MYH7: variants seen among roughly 807,000 people sequenced by gnomAD.
MYH7 encodes the protein myosin heavy chain 7.
In MYH7, 129 loss-of-function variants were observed where a neutral mutation model predicts 225.4. That is an observed-to-expected ratio of 0.57 (90% CI 0.50 to 0.66). The LOEUF is 0.66. Among genes scored for constraint, MYH7 ranks in the 30% least tolerant of loss-of-function variants. The pLI is 0.00. For missense variants in MYH7, 1,649 were observed against 2,517.0 expected (o/e 0.66, Z 7.38); for synonymous variants, 971 against 1,007.6 (o/e 0.96, Z 0.69).
chr14:23,422,390 A>G lies in MYH7; in HGVS notation c.3100-65T>C, dbSNP rs565099030. On this transcript the variant is annotated intron_variant, in intron 24 of 39. Coordinates refer to ENST00000355349, the MANE Select transcript of MYH7 (RefSeq NM_000257.4). ...TCCTGACTTGGTGATTTTGTTGTTC[A>G]GTTACCTCAGGACTTGGTAAATCTT... The G allele has an allele frequency of 8.1e-6, 13 of 1,609,992 alleles. No homozygotes were observed. In the South Asian group the frequency reaches 9.9e-5, roughly 12 times the overall value.
At chr14:23,416,726 C>G (rs1892227519) in intron 33 of MYH7, 142 bp downstream of exon 33, 1 of 1,325,930 alleles carries the variant, frequency 7.5e-7, no homozygotes, top group South Asian at 1.2e-5. Flanking sequence ...CAAATCTTCA[C>G]TGAATGCCTA....
chr14:23,429,456 A>T (rs912287405), intron 12 of MYH7, 109 bp from the exon 13 acceptor site: 295 of 1,133,814 alleles, frequency 2.6e-4, no homozygotes, highest in Non-Finnish European at 3.6e-4. Context: ...CAGGCGGATC[A>T]CTTGAGGTCA....
chr14:23,419,885 TC>T lies in MYH7; in HGVS notation c.3685del (p.Asp1229MetfsTer28). On this transcript the variant is annotated frameshift_variant, in exon 27 of 40. Coordinates refer to ENST00000355349, the MANE Select transcript of MYH7 (RefSeq NM_000257.4). LOFTEE classifies it high-confidence loss of function. ...KEKSEFKLEL[D>X]DVTSNMEQII... is the part of the protein sequence containing the mutation. ...CTGCTCCATGTTGGAGGTGACGTCA[TC>T]CAGCTCCAGCTTGAACTCGCTCTTC... is the stretch of plus-strand genomic sequence containing the variant. 6.2e-7 allele frequency: 1 copy of T among 1,613,620 alleles called. No individual in the cohort carries two copies. Among genetic ancestry groups the T allele is most frequent in the Non-Finnish European group, 8.5e-7 (1 of 1,179,788 alleles).
At chr14:23,416,389 T>G in intron 33 of MYH7, 77 bp from the exon 34 acceptor site, 1 of 1,488,978 alleles carries the variant, frequency 6.7e-7, no homozygotes, top group Non-Finnish European at 9.2e-7. Flanking sequence ...TCACTAATCA[T>G]GGATACGAAG....
At chr14:23,417,907 GAC>G in intron 30 of MYH7, 1 of 875,338 alleles carries the variant, frequency 1.1e-6, no homozygotes, top group South Asian at 1.3e-5. Context: ...CTGCGCTATG[GAC>G]ATTGAGGAGG....
At position 23,424,158 on chromosome 14, in the gene MYH7, G is replaced by A. The variant is rs1432154372; in HGVS notation, c.2680-9C>T. On this transcript the variant is annotated splice_polypyrimidine_tract_variant and intron_variant, in intron 22 of 39. Coordinates refer to ENST00000355349, the MANE Select transcript of MYH7 (RefSeq NM_000257.4). ...GCCAGGTTGTCTTGTTCCTGAAGGT[G>A]AGGAACAGAGGGGAGGCTGTTCAGG... is the stretch of plus-strand genomic sequence containing the variant. 6.2e-7 allele frequency: 1 copy of A among 1,614,104 alleles called. No homozygotes were observed. The highest frequency in any genetic ancestry group is 1.7e-5 in the Admixed American group (1 of 60,020).
intron 4 of MYH7, 86 bp downstream of exon 4, chr14:23,432,998 C>T: frequency 1.3e-6 from 2 of 1,594,242 alleles, no homozygotes; most frequent in East Asian, 2.2e-5. Context: ...TGCCTAGACA[C>T]AAACAGAAGA....
At chr14:23,427,375 G>A (rs1892734447) in intron 16 of MYH7, 68 bp from the exon 17 acceptor site, 4 of 1,571,278 alleles carry the variant, frequency 2.5e-6, no homozygotes, top group Middle Eastern at 1.7e-4. Flanking sequence ...AAGAATCACA[G>A]CCCCTCTTTA....
Position 23,423,684 on chromosome 14 carries a change from T to C in MYH7, c.2962A>G (p.Ile988Val). Reference sequence around the variant, plus strand: ...TTCTCCTTGGTCAGCTTGGCAATGATCTCATCCAGCCCAGCCATCTCCTCT... The same window carrying C: ...TTCTCCTTGGTCAGCTTGGCAATGACCTCATCCAGCCCAGCCATCTCCTCT... ...LTEEMAGLDE[I>V]IAKLTKEKKA... Residue 988 changes from isoleucine (I) to valine (V), a missense_variant, in exon 24 of 40, where the codon ATC becomes GTC. Ile to Val is a conservative substitution (Grantham distance 29, BLOSUM62 3). Coordinates refer to ENST00000355349, the MANE Select transcript of MYH7 (RefSeq NM_000257.4). 1 of 1,614,050 alleles carries C rather than the reference T, an allele frequency of 6.2e-7. No homozygotes were observed. The highest frequency in any genetic ancestry group is 8.5e-7 in the Non-Finnish European group (1 of 1,180,006).
At position 23,432,013 on chromosome 14, in the gene MYH7, C is replaced by T. The variant is rs73587633; in HGVS notation, c.531-144G>A. ...GGTTATCTACACCCAAAATCCACAA[C>T]TGTCTTCTGATGCACAGAGGTCAGG... On this transcript the variant is annotated intron_variant, in intron 6 of 39. Coordinates refer to ENST00000355349, the MANE Select transcript of MYH7 (RefSeq NM_000257.4). The T allele has an allele frequency of 1.7e-3, 1,425 of 837,416 alleles. 19 individuals carry two copies. The African/African-American group carries it at 0.02, about 12-fold the overall frequency. The allele number at this position is 837,416 out of a possible 1,614,324, so 51.9% of individuals were successfully genotyped here.
At chr14:23,419,058 GA>G in intron 29 of MYH7, 118 bp downstream of exon 29, 2 of 969,190 alleles carry the variant, frequency 2.1e-6, no homozygotes, top group Non-Finnish European at 1.7e-6. Context: ...TTTCTTTTTA[GA>G]ATTCTTGGAG....
intron 9 of MYH7, 80 bp downstream of exon 9, chr14:23,431,335 AGGG>A: frequency 7.5e-7 from 1 of 1,324,928 alleles, no homozygotes; most frequent in Non-Finnish European, 1.1e-6. Flanking sequence ...AGAGGGAGGG[AGGG>A]GAGAGAGAGA....
At chr14:23,429,373 G>C (rs755277665) in intron 12 of MYH7, 26 bp from the exon 13 acceptor site, 15 of 1,600,968 alleles carry the variant, frequency 9.4e-6, no homozygotes, top group East Asian at 8.9e-5. Flanking sequence ...AAGTAGCAAA[G>C]TTGGTAAAGA....
intron 23 of MYH7, 88 bp from the exon 24 acceptor site, chr14:23,423,811 G>T: frequency 6.2e-7 from 1 of 1,613,060 alleles, no homozygotes; most frequent in Non-Finnish European, 8.5e-7. Context: ...GGTCCATGCT[G>T]CTCTCTGGAT....
In MYH7 at chr14:23,416,374, C is replaced by T; in HGVS notation, c.4645-62G>A. 2.6e-6 allele frequency: 4 copies of T among 1,544,900 alleles called. No homozygotes were observed. The South Asian group carries it at 3.6e-5, about 14-fold the overall frequency. On this transcript the variant is annotated intron_variant, in intron 33 of 39. Coordinates refer to ENST00000355349, the MANE Select transcript of MYH7 (RefSeq NM_000257.4). ...GTCAGGGCACAGGGCAGGGTGGGGG[C>T]CTGCTCACTAATCATGGATACGAAG...
intron 15 of MYH7, 66 bp from the exon 16 acceptor site, chr14:23,427,960 G>C (rs1211194713): frequency 2.0e-5 from 32 of 1,596,108 alleles, no homozygotes; most frequent in Non-Finnish European, 2.7e-5. Context: ...TCTGCTCTAT[G>C]GTCAATATAC....
In MYH7 at chr14:23,421,065, A is replaced by T. The variant is rs766164113; in HGVS notation, c.3246-17T>A. 6.2e-6 allele frequency: 10 copies of T among 1,607,632 alleles called. No individual in the cohort carries two copies. In the African/African-American group the frequency reaches 9.4e-5, roughly 15 times the overall value. On this transcript the variant is annotated splice_polypyrimidine_tract_variant and intron_variant, in intron 25 of 39. Coordinates refer to ENST00000355349, the MANE Select transcript of MYH7 (RefSeq NM_000257.4). ...AAGTCTTTTCTGTGGGGAAGGAGGG[A>T]TGGTGAGGTAAGGGAGACTCGTGGG...
intron 10 of MYH7, 56 bp downstream of exon 10, chr14:23,430,845 A>C: frequency 2.1e-6 from 3 of 1,415,800 alleles, no homozygotes; most frequent in Non-Finnish European, 3.0e-6. Flanking sequence ...AGCCACAAGC[A>C]GAGGGGACCA....
chr14:23,431,186 G>A (rs1015793730), intron 9 of MYH7, among the ~76,000 whole-genome samples, 187 bp from the exon 10 acceptor site: 1 of 152,144 alleles, frequency 6.6e-6, no homozygotes, highest in African/African-American at 2.4e-5. Context: ...AATAGTCTCA[G>A]AGAGAAATCC....
Sources: gnomAD v4.1 joint callset for allele counts (sites outside exome capture counted in the v4.1 genomes callset) on GRCh38, gnomAD v4.1.1 for gene constraint, MANE v1.5 for transcripts, NCBI Gene and HGNC (gene_info 2026-07-23, HGNC 2026-07-21) for gene names.